The following PIK3R6 variants were observed in gnomAD, a reference collection of about 807,000 sequenced individuals.
PIK3R6 encodes the protein phosphoinositide-3-kinase regulatory subunit 6, also known as phosphoinositide 3-kinase regulatory subunit 6.
A neutral mutation model predicts 84.9 loss-of-function variants in PIK3R6; 91 were observed. The ratio of observed to expected loss-of-function variants is 1.07; its 90% CI spans 0.90 to 1.28. The LOEUF (loss-of-function observed/expected upper bound fraction) is 1.28, where lower values mean the gene tolerates loss of function less well. PIK3R6 is among the 50% of genes most tolerant of loss of function. PIK3R6 has a pLI of 0.00. For missense variants in PIK3R6, 996 were observed against 985.1 expected, an observed-to-expected ratio of 1.01 and a Z score of -0.15; for synonymous variants, 416 against 411.4, an observed-to-expected ratio of 1.01 and a Z score of -0.13.
chr17:8,814,814 T>G (rs910902461), intron 18 of PIK3R6, among the ~76,000 whole-genome samples: 2 of 35,054 alleles, frequency 5.7e-5, no homozygotes, highest in East Asian at 3.6e-3. Context: ...GATTGAGAAT[T>G]GTCCATCAAA....
At chr17:8,819,052 G>A (rs1177470655) in intron 18 of PIK3R6, 31 bp downstream of exon 18, 1 of 1,501,472 alleles carries the variant, frequency 6.7e-7, no homozygotes, top group Admixed American at 1.9e-5. Flanking sequence ...CCAGCTGGCT[G>A]TCTCCCTTTC....
Position 8,828,571 on chromosome 17 carries a change from G to C in PIK3R6, c.1309C>G (p.Leu437Val). 2.5e-6 allele frequency: 4 copies of C among 1,612,350 alleles called. No homozygotes were observed. The highest frequency in any genetic ancestry group is 3.4e-6 in the Non-Finnish European group (4 of 1,179,532). Reference sequence around the variant, plus strand: ...GCCCCCACGTCGGGGCCCCACCTGAGTCTGTGGTAGGCCTGGGCCAGGCGC... The same window carrying C: ...GCCCCCACGTCGGGGCCCCACCTGACTCTGTGGTAGGCCTGGGCCAGGCGC... ...LGRLAQAYHR[L>V]RKRETQKFCL... The change falls in exon 11 of 20, where the codon CTC becomes GTC. Residue 437 changes from leucine to valine, a missense_variant. By Grantham distance (32) the Leu-to-Val change is conservative (BLOSUM62 1). Transcript: ENST00000619866.
Position 8,821,920 on chromosome 17 carries a change from C to A in PIK3R6, c.1805G>T (p.Arg602Leu), listed in dbSNP as rs368627338. The A allele has an allele frequency of 1.3e-6, 2 of 1,586,012 alleles. No homozygotes were observed. The highest frequency in any genetic ancestry group is 2.7e-5 in the African/African-American group (2 of 74,414). Residue 602 changes from arginine (R) to leucine (L), a missense_variant, in exon 17 of 20, where the codon CGG (arginine) becomes CTG (leucine). Transcript: ENST00000619866. ...CAGGGAAACGGTGACCTCTCGGGGC[C>A]GGTGGCTAAGCAAGGCCTGAGGAGG... ...LCYQKALLSH[R>L]PREVTVSLRA...
Position 8,828,749 on chromosome 17 carries a change from C to T in PIK3R6, c.1131G>A (p.Trp377Ter), listed in dbSNP as rs1027174913. 32 of 1,601,718 alleles carry T rather than the reference C, an allele frequency of 2.0e-5. No homozygotes were observed. Among genetic ancestry groups the T allele is most frequent in the Non-Finnish European group, 2.7e-5 (32 of 1,172,702 alleles). The part of the protein sequence containing the change: ...QRKGGIKKRA[W>*]PLDFLMPGSW... ...TGCCAGGCATCAAGAAGTCCAGGGG[C>T]CATGCACGCTTCTTGATGCCCCCTT... Residue 377 changes from tryptophan (W) to a stop codon, truncating the protein, a stop_gained, in exon 11 of 20, where the codon TGG becomes TGA. Coordinates refer to ENST00000619866, the MANE Select transcript of PIK3R6 (RefSeq NM_001010855.4). LOFTEE classifies it high-confidence loss of function.
At chr17:8,829,536 G>A (rs972783752) in intron 10 of PIK3R6, among the ~76,000 whole-genome samples, 170 bp downstream of exon 10, 12 of 122,784 alleles carry the variant, frequency 9.8e-5, no homozygotes, top group South Asian at 2.9e-4. Flanking sequence ...ACTGACACAC[G>A]CATGCACACA....
At position 8,847,630 on chromosome 17, in the gene PIK3R6, G is replaced by A. The variant is rs1180356816; in HGVS notation, c.13+2152C>T. On this transcript the variant is annotated intron_variant, in intron 2 of 19. Coordinates refer to ENST00000619866, the MANE Select transcript of PIK3R6 (RefSeq NM_001010855.4). ...AGCCTGGGCAACACGGTGAAACCCC[G>A]TCTCTACTAAAAATACAAAAAAAAT... Among the ~76,000 whole-genome samples the A allele has an allele frequency of 2.0e-5, 3 of 151,896 alleles. 1 individual carries two copies. Among genetic ancestry groups the A allele is most frequent in the Admixed American group, 2.0e-4 (3 of 15,240 alleles).
Position 8,823,076 on chromosome 17 carries a change from C to A in PIK3R6, c.1637G>T (p.Ser546Ile), listed in dbSNP as rs745834084. ...CTCAGTAGGGTCTTGGCTCAGGTCA[C>A]TGAAAAAGATCTGGAGAGAGGAAGG... is the stretch of plus-strand genomic sequence containing the variant. ...FQIYTVKIFF[S>I]DLSQDPTEDI... The change falls in exon 15 of 20, where the codon AGT (serine) becomes ATT (isoleucine). Residue 546 changes from serine to isoleucine, a missense_variant. Physicochemically the swap from Ser to Ile is moderately radical, Grantham distance 142. Transcript: ENST00000619866. The A allele has an allele frequency of 1.2e-6, 2 of 1,602,306 alleles. No individual in the cohort carries two copies. The highest frequency in any genetic ancestry group is 3.3e-5 in the Admixed American group (2 of 59,902).
chr17:8,831,018 C>T (rs113273974), intron 9 of PIK3R6, among the ~76,000 whole-genome samples: 3,971 of 151,828 alleles, frequency 0.026, 147 homozygotes, highest in African/African-American at 0.088. Context: ...TGGTGGCAGG[C>T]GCCTGTAGTC....
At chr17:8,808,028 A>G (rs1027752937) in intron 18 of PIK3R6, among the ~76,000 whole-genome samples, 2 of 152,152 alleles carry the variant, frequency 1.3e-5, no homozygotes, top group African/African-American at 4.8e-5. Flanking sequence ...AAGCTGGACC[A>G]GAATAGAGAG....
At chr17:8,814,812 AT>A (rs34781533) in intron 18 of PIK3R6, among the ~76,000 whole-genome samples, 84,561 of 151,896 alleles carry the variant, frequency 0.56, 26,116 homozygotes, top group African/African-American at 0.83. Flanking sequence ...CAGATTGAGA[AT>A]TGTCCATCAA....
At chr17:8,835,199 C>G in intron 8 of PIK3R6, 74 bp downstream of exon 8, 2 of 1,311,342 alleles carry the variant, frequency 1.5e-6, no homozygotes, top group East Asian at 2.6e-5. Context: ...GGAGGAAGAG[C>G]AGGGTGAATG....
chr17:8,843,692 A>G (rs953962834), intron 2 of PIK3R6, among the ~76,000 whole-genome samples: 3 of 152,054 alleles, frequency 2.0e-5, no homozygotes, highest in Non-Finnish European at 4.4e-5. Context: ...GAGATTTTGC[A>G]TAACGTTTGG....
Position 8,850,478 on chromosome 17 carries a change from G to A in PIK3R6, c.-91-593C>T, listed in dbSNP as rs1258474056. On this transcript the variant is annotated intron_variant, in intron 1 of 19. Transcript: ENST00000619866. ...CTGCAGATGGGGAAACTGAAACACAGAGAGGGTAAATAGCTATTCAAAGTT... is the reference window on the plus strand; with the variant it reads ...CTGCAGATGGGGAAACTGAAACACAAAGAGGGTAAATAGCTATTCAAAGTT... 7.2e-5 allele frequency among the ~76,000 whole-genome samples: 11 copies of A among 152,250 alleles called. 1 individual carries two copies. The highest frequency in any genetic ancestry group is 3.3e-4 in the Admixed American group (5 of 15,286).
chr17:8,817,806 C>T (rs1023009291), intron 18 of PIK3R6, among the ~76,000 whole-genome samples: 1 of 151,774 alleles, frequency 6.6e-6, no homozygotes, highest in Non-Finnish European at 1.5e-5. Flanking sequence ...TGATAAGGGG[C>T]TGGAAACTCT....
chr17:8,860,928 C>CA (rs1205966051), intron 1 of PIK3R6, among the ~76,000 whole-genome samples: 17 of 200 alleles, frequency 0.085, no homozygotes, highest in Admixed American at 0.31. Context: ...GGGCCGGGCA[C>CA]GGTCACGCCT....
chr17:8,829,588 ACACACT>A (rs2088151429), intron 10 of PIK3R6, 112 bp downstream of exon 10: 1 of 1,064,888 alleles, frequency 9.4e-7, no homozygotes, highest in South Asian at 1.4e-5. Context: ...ACACACTGAC[ACACACT>A]CATGCATACA....
rs1431841428 is a variant in PIK3R6 at position 8,804,040 on chromosome 17, C to G, written c.2108+1G>C. 3 of 1,613,370 alleles carry G rather than the reference C, an allele frequency of 1.9e-6. No individual in the cohort carries two copies. In the South Asian group the frequency reaches 3.3e-5, roughly 18 times the overall value. On this transcript the variant is annotated splice_donor_variant, in intron 19 of 19. Coordinates refer to ENST00000619866, the MANE Select transcript of PIK3R6 (RefSeq NM_001010855.4). LOFTEE classifies it high-confidence loss of function. ...TCTAGGGTTGGCAGGCCCAGCCTCA[C>G]CTGACCACATCCCTGAAAGTGCGTT... is the stretch of plus-strand genomic sequence containing the variant.
Position 8,829,774 on chromosome 17 carries a change from C to T in PIK3R6, c.821G>A (p.Arg274Gln), listed in dbSNP as rs377221978. ...GRCGGDLVQE[R>Q]PPSIPLPSPY... Reference sequence around the variant, plus strand: ...GCTGGGCAGGGGAATGCTTGGTGGCCGCTCTTGGACAAGGTCACCTGCAGA... The same window carrying T: ...GCTGGGCAGGGGAATGCTTGGTGGCTGCTCTTGGACAAGGTCACCTGCAGA... The change falls in exon 10 of 20, where the codon CGG becomes CAG. Residue 274 changes from arginine to glutamine, a missense_variant. Physicochemically the swap from Arg to Gln is conservative, Grantham distance 43 (BLOSUM62 1). Transcript: ENST00000619866. 200 of 1,551,656 alleles carry T rather than the reference C, an allele frequency of 1.3e-4. 1 individual carries two copies. Among genetic ancestry groups the T allele is most frequent in the Non-Finnish European group, 1.3e-4 (152 of 1,147,340 alleles).
Position 8,811,277 on chromosome 17 carries a change from G to A in PIK3R6, c.1996-7124C>T, listed in dbSNP as rs1434569523. ...CAAGTCTCTAGGCTGCACACAGCAC[G>A]GGTACCCTGGGCCCAGCCCATGAAA... is the stretch of plus-strand genomic sequence containing the variant. On this transcript the variant is annotated intron_variant, in intron 18 of 19. Transcript: ENST00000619866. 4.0e-5 allele frequency among the ~76,000 whole-genome samples: 6 copies of A among 148,506 alleles called. No homozygotes were observed. In the Middle Eastern group the frequency reaches 0.01, roughly 253 times the overall value.
Sources: gnomAD v4.1 joint callset for allele counts (sites outside exome capture counted in the v4.1 genomes callset) on GRCh38, gnomAD v4.1.1 for gene constraint, MANE v1.5 for transcripts, NCBI Gene and HGNC (gene_info 2026-07-23, HGNC 2026-07-21) for gene names.